Variants in FBN2 observed in about 807,000 individuals in gnomAD.
FBN2 encodes fibrillin-2.
In FBN2, 105 loss-of-function variants were observed where a neutral mutation model predicts 355.6. The observed-to-expected ratio is 0.30, with a 90% CI of 0.25 to 0.35. The LOEUF (loss-of-function observed/expected upper bound fraction) is 0.35. Ranked by LOEUF, FBN2 falls within the 10% of genes least tolerant of loss-of-function variation. FBN2 has a pLI of 1.00. For missense variants in FBN2, 3,280 were observed against 3,758.7 expected (o/e 0.87, Z 3.33); for synonymous variants, 1,350 against 1,301.2 (o/e 1.04, Z -0.81).
At chr5:128,453,990 G>GCCC (rs71713253) in intron 6 of FBN2, among the ~76,000 whole-genome samples, 1 of 144,922 alleles carries the variant, frequency 6.9e-6, no homozygotes, top group South Asian at 2.2e-4. Flanking sequence ...GAAATGGCTT[G>GCCC]CCCCCCCCCC....
chr5:128,373,871 T>C (rs953466076), intron 15 of FBN2, among the ~76,000 whole-genome samples: 1 of 152,138 alleles, frequency 6.6e-6, no homozygotes. Context: ...AAATATATAT[T>C]CTTGCTCATA....
intron 7 of FBN2, among the ~76,000 whole-genome samples, chr5:128,439,348 T>C (rs954238228): frequency 2.6e-5 from 4 of 152,278 alleles, no homozygotes; most frequent in Non-Finnish European, 5.9e-5. Context: ...TTTTATACTC[T>C]TATCAGGAAT....
At chr5:128,446,382 T>A in intron 7 of FBN2, 99 bp downstream of exon 7, 1 of 1,271,806 alleles carries the variant, frequency 7.9e-7, no homozygotes. Flanking sequence ...GATAAAGAGT[T>A]TTAATTGTGA....
intron 19 of FBN2, among the ~76,000 whole-genome samples, chr5:128,359,487 A>T (rs1422377891): frequency 6.6e-6 from 1 of 152,100 alleles, no homozygotes; most frequent in Non-Finnish European, 1.5e-5. Flanking sequence ...TAACAGTGGG[A>T]AGAAAGTGTA....
At chr5:128,481,319 G>T (rs180760900) in intron 5 of FBN2, among the ~76,000 whole-genome samples, 1 of 152,034 alleles carries the variant, frequency 6.6e-6, no homozygotes, top group Admixed American at 6.6e-5. Flanking sequence ...GTACTGTTCC[G>T]ACCTGGCAAC....
chr5:128,338,158 C>T, intron 26 of FBN2, 36 bp from the exon 27 acceptor site: 1 of 1,609,118 alleles, frequency 6.2e-7, no homozygotes. Context: ...TTAAAGAACT[C>T]TGAGGGAAAA....
chr5:128,303,825 A>G (rs1749787302), intron 45 of FBN2, among the ~76,000 whole-genome samples: 1 of 152,196 alleles, frequency 6.6e-6, no homozygotes, highest in Non-Finnish European at 1.5e-5. Flanking sequence ...CTGAATCATA[A>G]ATCTCATATT....
intron 2 of FBN2, among the ~76,000 whole-genome samples, chr5:128,534,598 T>A (rs1756797240): frequency 6.6e-6 from 1 of 152,248 alleles, no homozygotes; most frequent in Non-Finnish European, 1.5e-5. Flanking sequence ...AGATTTCTGA[T>A]ACGTGTAAAT....
intron 48 of FBN2, among the ~76,000 whole-genome samples, chr5:128,293,630 A>G (rs1241345895): frequency 2.0e-5 from 3 of 152,176 alleles, no homozygotes; most frequent in Non-Finnish European, 4.4e-5. Context: ...AATAAAAGCT[A>G]TCCATACTTT....
At chr5:128,490,224 T>A (rs1040011669) in intron 5 of FBN2, among the ~76,000 whole-genome samples, 1 of 152,164 alleles carries the variant, frequency 6.6e-6, no homozygotes, top group Admixed American at 6.6e-5. Context: ...ATCAGAGCCA[T>A]ACCCAGATCA....
chr5:128,478,274 T>C (rs938780495), intron 5 of FBN2, among the ~76,000 whole-genome samples: 1 of 152,204 alleles, frequency 6.6e-6, no homozygotes, highest in African/African-American at 2.4e-5. Context: ...GAAGGTAAAC[T>C]CTAATTGTTC....
In FBN2 at chr5:128,527,975, G is replaced by T; in HGVS notation, c.437-8C>A. ...TCACACTGCACTGCTGAACTGCAAA[G>T]AGCAATAACAAAAAGTATAAAAACA... is the stretch of plus-strand genomic sequence containing the variant. On this transcript the variant is annotated splice_region_variant and splice_polypyrimidine_tract_variant and intron_variant, in intron 3 of 64. Transcript: ENST00000262464. 6.3e-7 allele frequency: 1 copy of T among 1,594,534 alleles called. No homozygotes were observed. Among genetic ancestry groups the T allele is most frequent in the Non-Finnish European group, 8.6e-7 (1 of 1,162,794 alleles).
chr5:128,312,718 C>T lies in FBN2; in HGVS notation c.4795G>A (p.Val1599Met), dbSNP rs1750088288. 1.9e-6 allele frequency: 3 copies of T among 1,614,066 alleles called. No homozygotes were observed. The highest frequency in any genetic ancestry group is 2.5e-6 in the Non-Finnish European group (3 of 1,180,004). Residue 1599 changes from valine to methionine, a missense_variant, in exon 37 of 65, where the codon GTG becomes ATG. Physicochemically the swap from Val to Met is conservative, Grantham distance 21. This residue lies in a region of FBN2 where 2,284 missense variants were observed against 2,749.5 expected (regional missense o/e 0.83). Coordinates refer to ENST00000262464, the MANE Select transcript of FBN2 (RefSeq NM_001999.4). ...CAGCATGAAGAGCGACTGACGCCCA[C>T]CCCGATCTCGGTGTTGCAAGACAGA... ...GSLSCNTEIG[V>M]GVSRSSCCCS... is the part of the protein sequence containing the mutation.
At chr5:128,342,845 C>T (rs1751063296) in intron 25 of FBN2, among the ~76,000 whole-genome samples, 1 of 152,038 alleles carries the variant, frequency 6.6e-6, no homozygotes, top group Non-Finnish European at 1.5e-5. Context: ...CCTCCTGCCT[C>T]AGCCTCCCGA....
chr5:128,300,731 G>T, intron 48 of FBN2, 86 bp downstream of exon 48: 2 of 1,358,730 alleles, frequency 1.5e-6, no homozygotes, highest in Middle Eastern at 1.9e-4. Flanking sequence ...GCTTGCAGTG[G>T]TTGGCACTTA....
At chr5:128,273,797 T>C (rs1436361641) in intron 61 of FBN2, 43 bp downstream of exon 61, 4 of 1,589,844 alleles carry the variant, frequency 2.5e-6, no homozygotes, top group Non-Finnish European at 3.5e-6. Flanking sequence ...ATATATATGG[T>C]TTACTGTTAT....
intron 11 of FBN2, among the ~76,000 whole-genome samples, chr5:128,391,590 T>G (rs1320234293): frequency 6.6e-6 from 1 of 152,194 alleles, no homozygotes; most frequent in Non-Finnish European, 1.5e-5. Flanking sequence ...AGAGTTGAAA[T>G]GAGTCTGAGA....
At chr5:128,290,060 G>A in intron 50 of FBN2, 113 bp from the exon 51 acceptor site, 1 of 725,728 alleles carries the variant, frequency 1.4e-6, no homozygotes, top group Non-Finnish European at 2.5e-6. Context: ...CCATTACAAA[G>A]CTGTCTATAA....
chr5:128,392,041 T>C lies in FBN2; in HGVS notation c.1580A>G (p.Gln527Arg), dbSNP rs756302141. 2 of 1,613,792 alleles carry C rather than the reference T, an allele frequency of 1.2e-6. No individual in the cohort carries two copies. Among genetic ancestry groups the C allele is most frequent in the Admixed American group, 1.7e-5 (1 of 60,012 alleles). Residue 527 changes from glutamine (Q) to arginine (R), a missense_variant, in exon 11 of 65, where the codon CAG becomes CGG. Physicochemically the swap from Gln to Arg is conservative, Grantham distance 43. Coordinates refer to ENST00000262464, the MANE Select transcript of FBN2 (RefSeq NM_001999.4). The part of the protein sequence containing the change: ...YRCECNMGYK[Q>R]DANGDCIDVD... Reference sequence around the variant, plus strand: ...ACCTATACAATCTCCATTTGCATCCTGCTTATAACCCATGTTGCATTCACA... The same window carrying C: ...ACCTATACAATCTCCATTTGCATCCCGCTTATAACCCATGTTGCATTCACA...
Sources: allele counts gnomAD v4.1 joint callset (sites outside exome capture counted in the v4.1 genomes callset), GRCh38; gene constraint gnomAD v4.1.1; regional missense constraint gnomAD v4.1.1; transcripts MANE v1.5; gene names NCBI Gene and HGNC (gene_info 2026-07-23, HGNC 2026-07-21).